Variants in GET1 observed in about 807,000 individuals in gnomAD.
The protein encoded by GET1 is guided entry of tail-anchored proteins factor 1, also known as congenital heart disease 5 protein.
GET1 carries 20 observed loss-of-function variants against 22.6 expected under a neutral mutation model. The ratio of observed to expected loss-of-function variants is 0.89; its 90% CI spans 0.62 to 1.29. GET1 has a LOEUF of 1.29. Among genes scored for constraint, GET1 ranks in the 50% most tolerant of loss-of-function variants. The pLI is 0.00. For missense variants in GET1, 209 were observed against 219.9 expected (o/e 0.95, Z 0.31); for synonymous variants, 92 against 83.8 (o/e 1.10, Z -0.53).
chr21:39,380,525 G>T lies in GET1; in HGVS notation c.102+39G>T, dbSNP rs772591647. ...TGGCCTCCCAAGGGCCGGTGGGGAT[G>T]CCGCCCCAGTCCCCCGGCGGGTCTG... On this transcript the variant is annotated intron_variant, in intron 1 of 4. Coordinates refer to ENST00000649170, the MANE Select transcript of GET1 (RefSeq NM_004627.6). 8.2e-6 allele frequency: 13 copies of T among 1,585,832 alleles called. No individual in the cohort carries two copies. The Admixed American group carries it at 2.1e-4, about 26-fold the overall frequency.
chr21:39,391,142 A>G (rs1039598582), intron 2 of GET1: 1 of 257,946 alleles, frequency 3.9e-6, no homozygotes, highest in Non-Finnish European at 7.5e-6. Context: ...GTAGGTTTTC[A>G]TTTTTAAATT....
At chr21:39,388,647 G>T (rs2038086337) in intron 1 of GET1, among the ~76,000 whole-genome samples, 2 of 152,344 alleles carry the variant, frequency 1.3e-5, no homozygotes, top group South Asian at 4.1e-4. Context: ...GGGGATGTTC[G>T]CTGATCCCTT....
At chr21:39,402,766 C>G (rs1319633060), downstream of GET1, among the ~76,000 whole-genome samples, 1 of 152,046 alleles carries the variant, frequency 6.6e-6, no homozygotes. Flanking sequence ...TTTCCATGAT[C>G]GTAAAGTTAT....
intron 1 of GET1, chr21:39,422,645 A>C: frequency 2.5e-6 from 1 of 408,084 alleles, no homozygotes; most frequent in Non-Finnish European, 4.3e-6. Context: ...CACGTAACAC[A>C]ATGCAATCTT....
downstream of GET1, among the ~76,000 whole-genome samples, chr21:39,399,182 T>C (rs1198101878): frequency 6.6e-6 from 1 of 152,224 alleles, no homozygotes; most frequent in Non-Finnish European, 1.5e-5. Flanking sequence ...ATTCTGCCAG[T>C]GATATTCCAT....
At chr21:39,403,863 C>T (rs2038913017) in intron 4 of GET1, among the ~76,000 whole-genome samples, 1 of 152,172 alleles carries the variant, frequency 6.6e-6, no homozygotes, top group African/African-American at 2.4e-5. Context: ...CTCAGGTGAT[C>T]GCCCGCCTCA....
At chr21:39,426,798 G>A (rs2074785428) in intron 1 of GET1, among the ~76,000 whole-genome samples, 1 of 152,220 alleles carries the variant, frequency 6.6e-6, no homozygotes, top group Non-Finnish European at 1.5e-5. Flanking sequence ...ATGGAGTCCA[G>A]GCATGAGAGA....
intron 1 of GET1, among the ~76,000 whole-genome samples, chr21:39,412,184 C>T (rs2040201824): frequency 6.6e-6 from 1 of 152,146 alleles, no homozygotes; most frequent in Non-Finnish European, 1.5e-5. Flanking sequence ...GTCAGCCACA[C>T]TATTTGTATT....
intron 1 of GET1, among the ~76,000 whole-genome samples, chr21:39,384,911 A>G (rs1376105719): frequency 6.6e-6 from 1 of 152,172 alleles, no homozygotes; most frequent in African/African-American, 2.4e-5. Context: ...AGCCAGGTTC[A>G]GAAGGATAAC....
chr21:39,402,454 G>A (rs1275520089), downstream of GET1, among the ~76,000 whole-genome samples: 1 of 152,184 alleles, frequency 6.6e-6, no homozygotes, highest in East Asian at 1.9e-4. Context: ...GAGACCCCAG[G>A]GAGGTCCCAG....
At chr21:39,414,080 T>G (rs1321010217) in intron 1 of GET1, 1 of 152,194 alleles carries the variant, frequency 6.6e-6, no homozygotes. Context: ...ACTTGTGTGG[T>G]TGGGTTCAGT....
chr21:39,416,166 G>C (rs1306096914), intron 1 of GET1, among the ~76,000 whole-genome samples: 1 of 152,182 alleles, frequency 6.6e-6, no homozygotes, highest in African/African-American at 2.4e-5. Context: ...CGTTCATACA[G>C]GGAAGGTAAA....
At position 39,397,099 on chromosome 21, in the gene GET1, T is replaced by A. The variant is rs543830824; in HGVS notation, c.*160T>A. The A allele has an allele frequency of 1.4e-6, 1 of 729,886 alleles. No homozygotes were observed. The highest frequency in any genetic ancestry group is 1.8e-5 in the African/African-American group (1 of 56,126). 45.2% of individuals were successfully genotyped at this position (729,886 alleles called of 1,614,324 possible). Reference sequence around the variant, plus strand: ...TCTTGGACTTTATGAGAGAGTCTTATAAGAATCACGATTTTCTACACCTGT... The same window carrying A: ...TCTTGGACTTTATGAGAGAGTCTTAAAAGAATCACGATTTTCTACACCTGT... On this transcript the variant is annotated 3_prime_UTR_variant, in exon 5 of 5. Coordinates refer to ENST00000649170, the MANE Select transcript of GET1 (RefSeq NM_004627.6).
chr21:39,383,181 C>T (rs1467872204), intron 1 of GET1, among the ~76,000 whole-genome samples: 1 of 151,956 alleles, frequency 6.6e-6, no homozygotes, highest in Non-Finnish European at 1.5e-5. Flanking sequence ...GTCTCGATCT[C>T]CTGACCTTGT....
chr21:39,423,610 G>C lies in GET1; in HGVS notation c.*24-4622G>C, dbSNP rs80142423. The C allele has an allele frequency of 1.1e-3, 915 of 804,854 alleles. 4 individuals carry two copies. The African/African-American group carries it at 0.015, about 13-fold the overall frequency. 49.9% of individuals were successfully genotyped at this position (804,854 alleles called of 1,614,324 possible). ...ACACACCACACACATACACACAAGCGTAAGTGTAACTAGAAGGGGACAAAA... is the reference window on the plus strand; with the variant it reads ...ACACACCACACACATACACACAAGCCTAAGTGTAACTAGAAGGGGACAAAA... On this transcript the variant is annotated intron_variant, in intron 1 of 1. Transcript: ENST00000478273.
intron 1 of GET1, among the ~76,000 whole-genome samples, chr21:39,382,286 C>G (rs2037601804): frequency 6.6e-6 from 1 of 152,070 alleles, no homozygotes; most frequent in African/African-American, 2.4e-5. Flanking sequence ...AACTCCTGAC[C>G]TCAAGTGATC....
intron 1 of GET1, among the ~76,000 whole-genome samples, chr21:39,381,599 C>T (rs879298555): frequency 3.9e-5 from 6 of 152,158 alleles, no homozygotes; most frequent in Non-Finnish European, 8.8e-5. Context: ...TCAGGCATTG[C>T]ATAAAAGACT....
intron 1 of GET1, chr21:39,420,742 CAG>C: frequency 6.8e-6 from 11 of 1,613,284 alleles, no homozygotes; most frequent in Non-Finnish European, 9.3e-6. Flanking sequence ...CTTCCACCTG[CAG>C]AGTCTTGGTA....
rs1232809242 is a variant in GET1 at position 39,390,040 on chromosome 21, G to A, written c.103-658G>A. ...ATAGTTTGAATAGCAATTTGAATAT[G>A]AGTTTTTTTTTTTTTTTTTTTTGTG... On this transcript the variant is annotated intron_variant, in intron 1 of 4. Coordinates refer to ENST00000649170, the MANE Select transcript of GET1 (RefSeq NM_004627.6). Among the ~76,000 whole-genome samples the A allele has an allele frequency of 2.0e-5, 3 of 146,940 alleles. No homozygotes were observed. The South Asian group carries it at 6.5e-4, about 32-fold the overall frequency.
Sources: gnomAD v4.1 joint callset for allele counts (sites outside exome capture counted in the v4.1 genomes callset) on GRCh38, gnomAD v4.1.1 for gene constraint, MANE v1.5 for transcripts, NCBI Gene and HGNC (gene_info 2026-07-23, HGNC 2026-07-21) for gene names.